Variants in COP1 observed in about 807,000 individuals in gnomAD.
COP1 encodes COP1 E3 ubiquitin ligase, also known as E3 ubiquitin-protein ligase COP1.
COP1 carries 24 observed loss-of-function variants against 101.3 expected under a neutral mutation model. That is an observed-to-expected ratio of 0.24 (90% CI 0.17 to 0.33). The LOEUF (loss-of-function observed/expected upper bound fraction) is 0.33, where lower values mean the gene tolerates loss of function less well. Ranked by LOEUF, COP1 falls within the 10% of genes least tolerant of loss-of-function variation. The probability of loss-of-function intolerance (pLI) is 1.00; values close to 1 mark genes in which losing one functional copy is unlikely to be tolerated. For missense variants in COP1, 663 were observed against 906.2 expected, an observed-to-expected ratio of 0.73 and a Z score of 3.45; for synonymous variants, 347 against 341.9, an observed-to-expected ratio of 1.01 and a Z score of -0.17.
At chr1:176,195,289 A>G (rs1384423761) in intron 1 of COP1, among the ~76,000 whole-genome samples, 2 of 152,248 alleles carry the variant, frequency 1.3e-5, no homozygotes, top group East Asian at 3.8e-4. Flanking sequence ...AAGGAGATCA[A>G]TTCACCAACG....
chr1:176,004,680 C>G (rs1225498091), intron 15 of COP1, among the ~76,000 whole-genome samples: 3 of 150,374 alleles, frequency 2.0e-5, no homozygotes, highest in Non-Finnish European at 3.0e-5. Flanking sequence ...ATTGAACCAG[C>G]CTTGCATCCC....
intron 8 of COP1, chr1:176,133,830 TCCC>T: frequency 2.2e-6 from 1 of 451,918 alleles, no homozygotes; most frequent in Admixed American, 2.4e-5. Context: ...AACTTTTTCT[TCCC>T]TGTATGTACT....
chr1:175,990,731 T>C (rs1658212167), intron 15 of COP1, among the ~76,000 whole-genome samples: 1 of 152,150 alleles, frequency 6.6e-6, no homozygotes, highest in Non-Finnish European at 1.5e-5. Context: ...AATGTCTTTG[T>C]TTCTAGTACT....
At chr1:176,181,427 CA>C (rs35756525) in intron 2 of COP1, among the ~76,000 whole-genome samples, 58,498 of 147,006 alleles carry the variant, frequency 0.4, 11,492 homozygotes, top group Admixed American at 0.45. Flanking sequence ...AACAAAACTG[CA>C]AAAAAAAAAA....
chr1:176,035,986 T>C (rs931000027), intron 14 of COP1, among the ~76,000 whole-genome samples: 1 of 152,030 alleles, frequency 6.6e-6, no homozygotes, highest in African/African-American at 2.4e-5. Flanking sequence ...TTTAAGGAAA[T>C]TTAAATATAC....
At chr1:176,167,052 G>A (rs997720478) in intron 3 of COP1, among the ~76,000 whole-genome samples, 4 of 152,142 alleles carry the variant, frequency 2.6e-5, no homozygotes, top group Non-Finnish European at 5.9e-5. Context: ...TCATCAAGGG[G>A]TATTTTATTA....
At chr1:176,145,746 T>C (rs1432608271) in intron 6 of COP1, among the ~76,000 whole-genome samples, 1 of 151,012 alleles carries the variant, frequency 6.6e-6, no homozygotes, top group South Asian at 2.1e-4. Flanking sequence ...GATTACATAC[T>C]GCACAAGCAC....
chr1:175,961,268 T>A (rs1415907738), intron 18 of COP1, among the ~76,000 whole-genome samples: 1 of 152,204 alleles, frequency 6.6e-6, no homozygotes, highest in African/African-American at 2.4e-5. Context: ...TCTGTCCCTT[T>A]GGAGAACCCT....
At chr1:176,108,671 C>A (rs1684763731) in intron 9 of COP1, among the ~76,000 whole-genome samples, 1 of 151,780 alleles carries the variant, frequency 6.6e-6, no homozygotes, top group Admixed American at 6.6e-5. Context: ...CAGATGATTT[C>A]TTTGGTATCT....
At chr1:176,133,192 G>A (rs922127264) in intron 8 of COP1, among the ~76,000 whole-genome samples, 3 of 129,994 alleles carry the variant, frequency 2.3e-5, no homozygotes, top group African/African-American at 7.5e-5. Flanking sequence ...ATATACGTAC[G>A]TATATGTACG....
intron 15 of COP1, among the ~76,000 whole-genome samples, chr1:176,013,466 A>C (rs1358089279): frequency 2.0e-5 from 3 of 152,170 alleles, no homozygotes; most frequent in East Asian, 1.9e-4. Context: ...TAAAGGATTT[A>C]AGTTTCATTT....
At chr1:176,030,045 G>A (rs991577607) in intron 14 of COP1, among the ~76,000 whole-genome samples, 1 of 152,056 alleles carries the variant, frequency 6.6e-6, no homozygotes, top group South Asian at 2.1e-4. Context: ...TTGGACTCCT[G>A]AATTCAAGTG....
intron 11 of COP1, among the ~76,000 whole-genome samples, chr1:176,072,844 C>A (rs563618184): frequency 6.6e-6 from 1 of 152,198 alleles, no homozygotes; most frequent in South Asian, 2.1e-4. Flanking sequence ...CAGAATTATA[C>A]GTCAAAAATT....
Position 176,054,107 on chromosome 1 carries a change from C to T in COP1, c.1278-7783G>A, listed in dbSNP as rs145415808. Reference sequence around the variant, plus strand: ...ACTCTTGAAAGAAGTTAAATAATTTCTCTTACTCTTCACAAATTTCCCATA... The same window carrying T: ...ACTCTTGAAAGAAGTTAAATAATTTTTCTTACTCTTCACAAATTTCCCATA... On this transcript the variant is annotated intron_variant, in intron 11 of 19. Coordinates refer to ENST00000367669, the MANE Select transcript of COP1 (RefSeq NM_022457.7). Among the ~76,000 whole-genome samples the T allele has an allele frequency of 2.6e-3, 397 of 152,008 alleles. 3 individuals are homozygous for T. The highest frequency in any genetic ancestry group is 9.1e-3 in the African/African-American group (379 of 41,480).
chr1:175,958,826 C>T (rs1032713125), intron 18 of COP1, among the ~76,000 whole-genome samples: 11 of 151,820 alleles, frequency 7.2e-5, no homozygotes, highest in African/African-American at 1.9e-4. Flanking sequence ...ATTCATAAAT[C>T]GACAGTCAAA....
intron 6 of COP1, among the ~76,000 whole-genome samples, chr1:176,145,417 A>G (rs1691423824): frequency 6.6e-6 from 1 of 152,176 alleles, no homozygotes; most frequent in East Asian, 1.9e-4. Flanking sequence ...AAGAATAACT[A>G]ATACAACTTG....
Position 176,175,439 on chromosome 1 carries a change from G to C in COP1, c.565+471C>G, listed in dbSNP as rs538337502. On this transcript the variant is annotated intron_variant, in intron 3 of 19. Coordinates refer to ENST00000367669, the MANE Select transcript of COP1 (RefSeq NM_022457.7). ...GAAGGGATGGTTTCAGGATGAAACT[G>C]TTCCACCTCAGATTATCAGGCATCA... Among the ~76,000 whole-genome samples the C allele has an allele frequency of 2.6e-5, 4 of 152,312 alleles. No homozygotes were observed. The South Asian group carries it at 8.3e-4, about 32-fold the overall frequency.
intron 9 of COP1, among the ~76,000 whole-genome samples, chr1:176,111,360 C>CT (rs879577283): frequency 2.0e-5 from 3 of 152,022 alleles, no homozygotes; most frequent in Non-Finnish European, 4.4e-5. Flanking sequence ...ATGGCATGAT[C>CT]TTGGCTCACT....
At chr1:175,950,655 C>T (rs1368705835) in intron 18 of COP1, among the ~76,000 whole-genome samples, 1 of 152,134 alleles carries the variant, frequency 6.6e-6, no homozygotes, top group Non-Finnish European at 1.5e-5. Flanking sequence ...TATTTTCTCC[C>T]TCTTTTTTGG....
Sources: gnomAD v4.1 joint callset for allele counts (sites outside exome capture counted in the v4.1 genomes callset) on GRCh38, gnomAD v4.1.1 for gene constraint, MANE v1.5 for transcripts, NCBI Gene and HGNC (gene_info 2026-07-23, HGNC 2026-07-21) for gene names.